ATF7: variants seen among roughly 807,000 people sequenced by gnomAD.
ATF7 encodes the protein cyclic AMP-dependent transcription factor ATF-7.
ATF7 carries 10 observed loss-of-function variants against 50.4 expected under a neutral mutation model. The observed-to-expected ratio is 0.20, with a 90% CI of 0.12 to 0.34. ATF7 has a LOEUF of 0.34. ATF7 is among the 10% of genes least tolerant of loss of function. The probability of loss-of-function intolerance (pLI) is 1.00; values close to 1 mark genes in which losing one functional copy is unlikely to be tolerated. For missense variants in ATF7, 465 were observed against 613.9 expected, an observed-to-expected ratio of 0.76 and a Z score of 2.56; for synonymous variants, 201 against 226.4, an observed-to-expected ratio of 0.89 and a Z score of 1.01.
Position 53,622,422 on chromosome 12 carries a change from C to T in ATF7, c.-22+3857G>A, listed in dbSNP as rs539567329. ...GATCACGTGGTCAGGATATTGAGAC[C>T]ATCCTGGCTAACACGGTGAAACTCC... On this transcript the variant is annotated intron_variant, in intron 1 of 11. Coordinates refer to ENST00000420353, the MANE Select transcript of ATF7 (RefSeq NM_006856.3). 9.2e-5 allele frequency among the ~76,000 whole-genome samples: 14 copies of T among 151,778 alleles called. No individual in the cohort carries two copies. The South Asian group carries it at 2.9e-3, about 32-fold the overall frequency.
intron 2 of ATF7, among the ~76,000 whole-genome samples, chr12:53,553,926 A>G (rs938243979): frequency 6.6e-6 from 1 of 152,168 alleles, no homozygotes; most frequent in Admixed American, 6.5e-5. Context: ...AAGCAATACC[A>G]AACTGTTTCT....
intron 2 of ATF7, among the ~76,000 whole-genome samples, chr12:53,594,908 A>T (rs1943090984): frequency 6.6e-6 from 1 of 152,072 alleles, no homozygotes. Context: ...AAAGAAAAAA[A>T]AAAATCCCAG....
chr12:53,576,713 C>A (rs1322429850), intron 2 of ATF7, among the ~76,000 whole-genome samples: 1 of 151,982 alleles, frequency 6.6e-6, no homozygotes, highest in Admixed American at 6.6e-5. Context: ...AACAAACAAA[C>A]AAACAAACAA....
chr12:53,525,941 T>C (rs1938425553), intron 9 of ATF7, among the ~76,000 whole-genome samples: 1 of 152,246 alleles, frequency 6.6e-6, no homozygotes. Flanking sequence ...CTGGGCATGG[T>C]GGCTCATGCC....
intron 1 of ATF7, among the ~76,000 whole-genome samples, chr12:53,610,879 G>A (rs1380287143): frequency 1.3e-5 from 2 of 152,132 alleles, no homozygotes; most frequent in African/African-American, 4.8e-5. Flanking sequence ...CCAGGCTGGA[G>A]TACAGTGGCA....
At chr12:53,582,008 C>A (rs1008599418) in intron 2 of ATF7, among the ~76,000 whole-genome samples, 6 of 151,456 alleles carry the variant, frequency 4.0e-5, no homozygotes, top group Non-Finnish European at 8.8e-5. Flanking sequence ...GAGGCTGAGG[C>A]GGGAAAATCA....
chr12:53,536,984 A>G (rs1334887249), intron 5 of ATF7, among the ~76,000 whole-genome samples: 1 of 152,224 alleles, frequency 6.6e-6, no homozygotes, highest in Non-Finnish European at 1.5e-5. Context: ...ATATAGACTT[A>G]TAAGTGAAAT....
At chr12:53,578,367 CAAA>C (rs56914905) in intron 2 of ATF7, among the ~76,000 whole-genome samples, 3,122 of 107,706 alleles carry the variant, frequency 0.029, 91 homozygotes, top group African/African-American at 0.099. Context: ...GATCTTCTCT[CAAA>C]AAAAAAAAAA....
intron 4 of ATF7, among the ~76,000 whole-genome samples, chr12:53,538,877 C>T (rs1266999598): frequency 5.9e-5 from 9 of 152,156 alleles, no homozygotes; most frequent in African/African-American, 2.2e-4. Flanking sequence ...AAAGTAGCTT[C>T]ATTTCTGCCT....
chr12:53,615,984 T>G (rs1000061032), intron 1 of ATF7, among the ~76,000 whole-genome samples: 4 of 152,224 alleles, frequency 2.6e-5, no homozygotes, highest in Admixed American at 2.0e-4. Flanking sequence ...TTTTTCTTAC[T>G]GCATGGTAAT....
intron 3 of ATF7, among the ~76,000 whole-genome samples, chr12:53,547,581 T>G (rs950122494): frequency 2.0e-5 from 3 of 151,548 alleles, no homozygotes; most frequent in Admixed American, 2.0e-4. Context: ...CCACCACACT[T>G]GGTCATTTTC....
intron 2 of ATF7, among the ~76,000 whole-genome samples, chr12:53,575,316 AGAATC>A (rs1323664824): frequency 1.3e-5 from 2 of 151,916 alleles, no homozygotes; most frequent in African/African-American, 4.8e-5. Flanking sequence ...CTGAGGCAGG[AGAATC>A]GCTTGAACCC....
At position 53,516,052 on chromosome 12, in the gene ATF7, T is replaced by A. The variant is rs994980959; in HGVS notation, c.*1085A>T. On this transcript the variant is annotated 3_prime_UTR_variant, in exon 12 of 12. Coordinates refer to ENST00000420353, the MANE Select transcript of ATF7 (RefSeq NM_006856.3). ...GCCTCCAGGAGGGCTGAGTCTGAAG[T>A]AGTTACAGAAGAGAGACAGGGGCGG... 6.6e-6 allele frequency: 1 copy of A among 151,856 alleles called. No homozygotes were observed. The highest frequency in any genetic ancestry group is 1.5e-5 in the Non-Finnish European group (1 of 67,974). 9.4% of individuals were successfully genotyped at this position (151,856 alleles called of 1,614,324 possible).
chr12:53,595,924 G>C (rs751379938), intron 2 of ATF7, among the ~76,000 whole-genome samples: 1 of 152,120 alleles, frequency 6.6e-6, no homozygotes, highest in African/African-American at 2.4e-5. Flanking sequence ...TCTGACAGTA[G>C]ATCTCTCCAG....
chr12:53,569,160 G>A (rs751720367), intron 2 of ATF7, among the ~76,000 whole-genome samples: 1 of 152,042 alleles, frequency 6.6e-6, no homozygotes, highest in Non-Finnish European at 1.5e-5. Flanking sequence ...CGACAGAGGA[G>A]GGCTCCATGT....
chr12:53,593,799 C>T (rs1419370420), intron 2 of ATF7, among the ~76,000 whole-genome samples: 1 of 152,186 alleles, frequency 6.6e-6, no homozygotes, highest in East Asian at 1.9e-4. Context: ...AGAGACCCAG[C>T]GGGTCCAGAG....
In ATF7 at chr12:53,532,005, C is replaced by G. The variant is rs919513359; in HGVS notation, c.775-109G>C. ...ACCTTATAGATAGCTAAAATTTCCA[C>G]TCTAGTTCTCCCTTAACAGAGGAAT... On this transcript the variant is annotated intron_variant, in intron 8 of 11. Transcript: ENST00000420353. The G allele has an allele frequency of 5.6e-6, 7 of 1,252,180 alleles. No homozygotes were observed. The African/African-American group carries it at 1.1e-4, about 19-fold the overall frequency. 77.6% of individuals were successfully genotyped at this position (1,252,180 alleles called of 1,614,324 possible). A position where few individuals can be genotyped will look rare whatever the true frequency, so the allele number is the denominator to read the frequency against.
chr12:53,565,247 G>A (rs1407955453), intron 2 of ATF7, among the ~76,000 whole-genome samples: 1 of 151,876 alleles, frequency 6.6e-6, no homozygotes, highest in Non-Finnish European at 1.5e-5. Flanking sequence ...ATTGGGCAAT[G>A]TAGGAAAGAG....
chr12:53,559,972 G>C (rs1464914710), intron 2 of ATF7, among the ~76,000 whole-genome samples: 2 of 152,020 alleles, frequency 1.3e-5, no homozygotes, highest in Admixed American at 6.6e-5. Context: ...GCCCAGGCTG[G>C]AGTGCAATGG....
Sources: allele counts gnomAD v4.1 joint callset (sites outside exome capture counted in the v4.1 genomes callset), GRCh38; gene constraint gnomAD v4.1.1; transcripts MANE v1.5; gene names NCBI Gene and HGNC (gene_info 2026-07-23, HGNC 2026-07-21).